Variants in REDIC1 observed in about 807,000 individuals in gnomAD.
REDIC1 encodes regulator of DNA class I crossover intermediates 1.
chr12:39,638,342 G>C, the REDIC1 span, among the ~76,000 whole-genome samples: 1 of 151,982 alleles, frequency 6.6e-6, no homozygotes, highest in Non-Finnish European at 1.5e-5. Context: ...CTGTCCAGGA[G>C]TGGAAATGGT....
chr12:39,629,188 T>C, the REDIC1 span, among the ~76,000 whole-genome samples: 1 of 152,170 alleles, frequency 6.6e-6, no homozygotes, highest in Non-Finnish European at 1.5e-5. Flanking sequence ...ATTGATCAAA[T>C]TGGAGATCTA....
the REDIC1 span, among the ~76,000 whole-genome samples, chr12:39,873,448 C>T: frequency 6.6e-6 from 1 of 152,152 alleles, no homozygotes. Flanking sequence ...TCAAACCTTA[C>T]ATGTAATCAC....
chr12:39,696,278 T>C, the REDIC1 span, among the ~76,000 whole-genome samples: 1 of 149,300 alleles, frequency 6.7e-6, no homozygotes, highest in Non-Finnish European at 1.5e-5. Flanking sequence ...GCGCGGTGGC[T>C]CACGCCTGTA....
chr12:39,650,094 G>A, the REDIC1 span: 2 of 820,832 alleles, frequency 2.4e-6, no homozygotes, highest in Non-Finnish European at 1.7e-6. The surrounding 1 kb of genome is among the most constrained non-coding windows in gnomAD (Gnocchi z 4.3). Flanking sequence ...TTTTCAATAA[G>A]TAGTAAAATT....
the REDIC1 span, among the ~76,000 whole-genome samples, chr12:39,668,901 C>T: frequency 6.6e-6 from 1 of 152,180 alleles, no homozygotes; most frequent in Non-Finnish European, 1.5e-5. Context: ...GTTTTCAGCT[C>T]CATCAGGTCC....
the REDIC1 span, among the ~76,000 whole-genome samples, chr12:39,744,273 C>T: frequency 6.6e-6 from 1 of 152,040 alleles, no homozygotes; most frequent in South Asian, 2.1e-4. Flanking sequence ...CTTTTTCAGA[C>T]AAAAATTGAG....
At chr12:39,706,273 TAA>T in the REDIC1 span, among the ~76,000 whole-genome samples, 1 of 151,850 alleles carries the variant, frequency 6.6e-6, no homozygotes, top group African/African-American at 2.4e-5. Context: ...AGCTCAATAA[TAA>T]AGACTATAAA....
the REDIC1 span, among the ~76,000 whole-genome samples, chr12:39,753,945 C>G: frequency 3.9e-5 from 6 of 152,100 alleles, 1 homozygote; most frequent in Middle Eastern, 6.3e-3. Context: ...TCAGTCTGAC[C>G]TCTTAGACAA....
the REDIC1 span, among the ~76,000 whole-genome samples, chr12:39,694,875 G>A: frequency 6.6e-6 from 1 of 152,096 alleles, no homozygotes; most frequent in South Asian, 2.1e-4. Context: ...AGGAATAGTG[G>A]GGAGGACTTT....
the REDIC1 span, among the ~76,000 whole-genome samples, chr12:39,714,730 T>G: frequency 3.3e-5 from 5 of 151,786 alleles, no homozygotes; most frequent in Admixed American, 3.3e-4. Context: ...ACATCTACAG[T>G]TTTTTTATTT....
chr12:39,646,466 G>A, the REDIC1 span: 1 of 1,553,740 alleles, frequency 6.4e-7, no homozygotes, highest in Non-Finnish European at 8.7e-7. Flanking sequence ...AACCAAGTAG[G>A]TTTTAGCTAG....
At chr12:39,682,677 G>T in the REDIC1 span, 8 of 1,611,036 alleles carry the variant, frequency 5.0e-6, no homozygotes, top group Non-Finnish European at 6.8e-6. Context: ...GTAGAAGCAC[G>T]GATGAAATAA....
At chr12:39,636,458 G>A in the REDIC1 span, among the ~76,000 whole-genome samples, 1 of 151,988 alleles carries the variant, frequency 6.6e-6, no homozygotes, top group Non-Finnish European at 1.5e-5. Context: ...TTTGTGGAAA[G>A]CCAATGTAAG....
chr12:39,695,723 T>C, the REDIC1 span, among the ~76,000 whole-genome samples: 1 of 152,172 alleles, frequency 6.6e-6, no homozygotes, highest in African/African-American at 2.4e-5. Context: ...CTTTGCCACC[T>C]GCTGATTGCA....
At chr12:39,899,655 T>C in the REDIC1 span, among the ~76,000 whole-genome samples, 4 of 152,260 alleles carry the variant, frequency 2.6e-5, no homozygotes, top group South Asian at 4.1e-4. Flanking sequence ...GCTTTGAATG[T>C]GTCCCAGAGA....
the REDIC1 span, among the ~76,000 whole-genome samples, chr12:39,743,915 G>A: frequency 2.0e-5 from 3 of 152,060 alleles, no homozygotes; most frequent in Non-Finnish European, 4.4e-5. Flanking sequence ...AGGAACAGAA[G>A]AAATAGCTGA....
chr12:39,844,155 C>G, the REDIC1 span, among the ~76,000 whole-genome samples: 1 of 152,118 alleles, frequency 6.6e-6, no homozygotes, highest in African/African-American at 2.4e-5. Flanking sequence ...AACACACATG[C>G]CTCCTTCCAA....
At chr12:39,863,207 G>A in the REDIC1 span, among the ~76,000 whole-genome samples, 3 of 152,088 alleles carry the variant, frequency 2.0e-5, no homozygotes, top group Non-Finnish European at 2.9e-5. Context: ...ATATGAGTTA[G>A]ATGATAATAC....
chr12:39,786,994 T>C, the REDIC1 span, among the ~76,000 whole-genome samples: 1 of 55,916 alleles, frequency 1.8e-5, no homozygotes, highest in African/African-American at 6.2e-5. Context: ...TTTCTTTTTT[T>C]TAAAAAAATA....
Sources: gnomAD v4.1 joint callset for allele counts (sites outside exome capture counted in the v4.1 genomes callset) on GRCh38, gnomAD v4.1.1 for gene constraint, Gnocchi (gnomAD v3.1) non-coding constraint, MANE v1.5 for transcripts, NCBI Gene and HGNC (gene_info 2026-07-23, HGNC 2026-07-21) for gene names.